AGBL4: variants seen among roughly 807,000 people sequenced by gnomAD.
AGBL4 encodes cytosolic carboxypeptidase 6.
Under a neutral mutation model 66.4 loss-of-function variants are expected in AGBL4, and 58 were observed. The observed-to-expected ratio is 0.87, with a 90% CI of 0.71 to 1.09. The LOEUF is 1.09. Among genes scored for constraint, AGBL4 ranks in the 50% least tolerant of loss-of-function variants. The pLI, the probability that AGBL4 is intolerant of heterozygous loss-of-function variation, is 0.00. For missense variants in AGBL4, 579 were observed against 631.0 expected (o/e 0.92, Z 0.88); for synonymous variants, 234 against 222.9 (o/e 1.05, Z -0.44).
chr1:49,832,764 T>C (rs1211202601), intron 2 of AGBL4, among the ~76,000 whole-genome samples: 1 of 152,244 alleles, frequency 6.6e-6, no homozygotes, highest in Non-Finnish European at 1.5e-5. Context: ...TGAGCATTTT[T>C]TCATGTGTTT....
chr1:49,293,219 A>G (rs1306655267), intron 3 of AGBL4, among the ~76,000 whole-genome samples: 1 of 152,208 alleles, frequency 6.6e-6, no homozygotes, highest in Non-Finnish European at 1.5e-5. Flanking sequence ...AGCAGCTGGC[A>G]TGTCTGAGTG....
chr1:49,482,213 CTTTG>C, intron 3 of AGBL4, among the ~76,000 whole-genome samples: 1 of 151,792 alleles, frequency 6.6e-6, no homozygotes, highest in Non-Finnish European at 1.5e-5. Flanking sequence ...AGTACCAGCT[CTTTG>C]TTTGTACATC....
intron 3 of AGBL4, among the ~76,000 whole-genome samples, chr1:49,505,093 T>C (rs1648559558): frequency 6.6e-6 from 1 of 152,040 alleles, no homozygotes; most frequent in South Asian, 2.1e-4. Context: ...AGGCTGATAA[T>C]TTAACTCTAG....
At chr1:49,726,835 AT>A in intron 2 of AGBL4, among the ~76,000 whole-genome samples, 1 of 152,278 alleles carries the variant, frequency 6.6e-6, no homozygotes, top group East Asian at 1.9e-4. Flanking sequence ...CTTACTACAC[AT>A]GGAGGAGGAA....
intron 3 of AGBL4, among the ~76,000 whole-genome samples, chr1:49,324,394 C>T (rs900179434): frequency 6.6e-5 from 10 of 152,030 alleles, no homozygotes; most frequent in African/African-American, 1.7e-4. Flanking sequence ...TCTCCAGCAG[C>T]CTGACCTACA....
intron 9 of AGBL4, among the ~76,000 whole-genome samples, chr1:48,593,903 ATAAAACTTTTTGATATTTGCCAAT>A (rs1644955883): frequency 6.6e-6 from 1 of 152,278 alleles, no homozygotes; most frequent in Non-Finnish European, 1.5e-5. Context: ...TATAGGTGGA[ATAAAACTTTTTGATATTTGCCAAT>A]TTGATGGGTG....
At chr1:49,083,665 G>A (rs1644847282) in intron 4 of AGBL4, among the ~76,000 whole-genome samples, 1 of 152,192 alleles carries the variant, frequency 6.6e-6, no homozygotes, top group Non-Finnish European at 1.5e-5. Context: ...ATGCTCTGGA[G>A]ACATTTTGGC....
chr1:49,917,442 C>T (rs535570752), intron 1 of AGBL4, among the ~76,000 whole-genome samples: 79 of 151,502 alleles, frequency 5.2e-4, no homozygotes, highest in African/African-American at 1.4e-3. Flanking sequence ...TCCTACTGTC[C>T]GATAAAACAG....
intron 5 of AGBL4, among the ~76,000 whole-genome samples, chr1:48,936,934 A>G (rs1258454450): frequency 6.6e-6 from 1 of 152,186 alleles, no homozygotes; most frequent in Non-Finnish European, 1.5e-5. Flanking sequence ...CCTTAATGAT[A>G]ACTTCAAAAT....
chr1:49,733,292 C>A lies in AGBL4; in HGVS notation c.158-35855G>T, dbSNP rs560060698. Among the ~76,000 whole-genome samples, 14 of 152,222 alleles carry A rather than the reference C, an allele frequency of 9.2e-5. No individual in the cohort carries two copies. In the South Asian group the frequency reaches 2.9e-3, roughly 32 times the overall value. On this transcript the variant is annotated intron_variant, in intron 2 of 13. Transcript: ENST00000371839. ...TGCAAGAAATAATAAGAAAGTCTTT[C>A]AAGTGAAAGAACATGGTACCAAGAG...
intron 3 of AGBL4, among the ~76,000 whole-genome samples, chr1:49,512,729 T>G (rs919623657): frequency 6.6e-6 from 1 of 151,872 alleles, no homozygotes; most frequent in African/African-American, 2.4e-5. Flanking sequence ...TCTCATGCAT[T>G]TCTTTATAGC....
At position 49,738,642 on chromosome 1, in the gene AGBL4, G is replaced by A. The variant is rs376374168; in HGVS notation, c.158-41205C>T. ...TCCTTGACCCCCAAGTAGCCTAACTGGGAGGCACCCCCCAGTAGGGGCAGA... is the reference window on the plus strand; with the variant it reads ...TCCTTGACCCCCAAGTAGCCTAACTAGGAGGCACCCCCCAGTAGGGGCAGA... On this transcript the variant is annotated intron_variant, in intron 2 of 13. Transcript: ENST00000371839. Among the ~76,000 whole-genome samples, 13 of 152,306 alleles carry A rather than the reference G, an allele frequency of 8.5e-5. No individual in the cohort carries two copies. In the East Asian group the frequency reaches 1.5e-3, roughly 18 times the overall value.
intron 3 of AGBL4, among the ~76,000 whole-genome samples, chr1:49,294,626 T>C (rs1228840741): frequency 6.6e-6 from 1 of 152,144 alleles, no homozygotes; most frequent in East Asian, 1.9e-4. Flanking sequence ...TAAGTCAATC[T>C]CTCCAACCTC....
At chr1:48,692,784 T>G (rs1311728346) in intron 6 of AGBL4, among the ~76,000 whole-genome samples, 1 of 152,162 alleles carries the variant, frequency 6.6e-6, no homozygotes, top group Non-Finnish European at 1.5e-5. Flanking sequence ...TCTCTCTCCC[T>G]CCATCCTCTC....
At chr1:49,800,478 T>A (rs1264232940) in intron 2 of AGBL4, among the ~76,000 whole-genome samples, 2 of 130,666 alleles carry the variant, frequency 1.5e-5, no homozygotes, top group African/African-American at 5.7e-5. Context: ...ACTCGTCATC[T>A]AGCATTAGGT....
rs142652083 is a variant in AGBL4 at position 49,586,734 on chromosome 1, T to G, written c.282+110579A>C. On this transcript the variant is annotated intron_variant, in intron 3 of 13. Transcript: ENST00000371839. ...TCTTTTCGTTAAAGCAGCACCTCCATGAAACAAATCAGAATTTAATTCTGA... is the reference window on the plus strand; with the variant it reads ...TCTTTTCGTTAAAGCAGCACCTCCAGGAAACAAATCAGAATTTAATTCTGA... Among the ~76,000 whole-genome samples, 133 of 152,280 alleles carry G rather than the reference T, an allele frequency of 8.7e-4. 2 individuals are homozygous for G. The East Asian group carries it at 0.023, about 26-fold the overall frequency.
At chr1:49,212,217 T>C (rs1429422446) in intron 4 of AGBL4, among the ~76,000 whole-genome samples, 1 of 152,110 alleles carries the variant, frequency 6.6e-6, no homozygotes, top group Non-Finnish European at 1.5e-5. Context: ...AAATTTTCTC[T>C]CATATTTTCT....
At chr1:48,728,436 A>T (rs1570372900) in intron 6 of AGBL4, among the ~76,000 whole-genome samples, 5 of 139,522 alleles carry the variant, frequency 3.6e-5, no homozygotes, top group Non-Finnish European at 3.1e-5. Flanking sequence ...TTTATTTTCC[A>T]TTTTCAATCT....
At chr1:49,949,513 AAAAC>A (rs1230403145) in intron 1 of AGBL4, among the ~76,000 whole-genome samples, 6 of 151,902 alleles carry the variant, frequency 3.9e-5, no homozygotes, top group African/African-American at 7.2e-5. Flanking sequence ...TAGCAAGAAA[AAAAC>A]AAACAATCCC....
Sources: allele counts gnomAD v4.1 joint callset (sites outside exome capture counted in the v4.1 genomes callset), GRCh38; gene constraint gnomAD v4.1.1; transcripts MANE v1.5; gene names NCBI Gene and HGNC (gene_info 2026-07-23, HGNC 2026-07-21).